Variants in COL4A6 observed in about 807,000 individuals in gnomAD.
The protein encoded by COL4A6 is collagen type IV alpha 6 chain.
In COL4A6, 59 loss-of-function variants were observed where a neutral mutation model predicts 126.7. That is an observed-to-expected ratio of 0.47 (90% CI 0.38 to 0.58). The LOEUF (loss-of-function observed/expected upper bound fraction) is 0.58. Ranked by LOEUF, COL4A6 falls within the 20% of genes least tolerant of loss-of-function variation. The pLI, the probability that COL4A6 is intolerant of heterozygous loss-of-function variation, is 0.00. For synonymous variants in COL4A6, 547 were observed against 496.6 expected, an observed-to-expected ratio of 1.10 and a Z score of -1.35; for missense variants, 1,285 against 1,337.3, an observed-to-expected ratio of 0.96 and a Z score of 0.61.
At chrX:108,283,575 TAA>T (rs753934930) in intron 3 of COL4A6, among the ~76,000 whole-genome samples, 2 of 19,358 alleles carry the variant, frequency 1.0e-4, no homozygotes, top group South Asian at 0.018. Flanking sequence ...GTGATCCCCC[TAA>T]GTTTTTTTTT....
chrX:108,177,800 C>T (rs2034547796), intron 27 of COL4A6, among the ~76,000 whole-genome samples: 1 of 111,998 alleles, frequency 8.9e-6, no homozygotes, highest in African/African-American at 3.2e-5. Context: ...CATCAAGTAG[C>T]TGCAAGCCCC....
chrX:108,344,133 T>C (rs1269468469), intron 2 of COL4A6, among the ~76,000 whole-genome samples: 1 of 111,417 alleles, frequency 9.0e-6, no homozygotes, highest in Non-Finnish European at 1.9e-5. Flanking sequence ...GGCTCAGATC[T>C]GCATTGAAAG....
chrX:108,198,869 G>T (rs763502788), intron 13 of COL4A6, among the ~76,000 whole-genome samples: 4 of 111,108 alleles, frequency 3.6e-5, no homozygotes, highest in African/African-American at 1.3e-4. Flanking sequence ...CTCAGGATTT[G>T]CCAGTTTCTT....
chrX:108,372,185 G>A (rs981241593), intron 2 of COL4A6, among the ~76,000 whole-genome samples: 1 of 111,218 alleles, frequency 9.0e-6, no homozygotes, highest in Non-Finnish European at 1.9e-5. Flanking sequence ...TCTTTTCAAT[G>A]GGGCAGCTTC....
chrX:108,289,533 AGTTTTT>A (rs202042554), intron 3 of COL4A6, among the ~76,000 whole-genome samples: 1 of 110,822 alleles, frequency 9.0e-6, no homozygotes, highest in South Asian at 3.9e-4. Context: ...GCTTGTGCCA[AGTTTTT>A]GTTTTTGTTT....
intron 2 of COL4A6, among the ~76,000 whole-genome samples, chrX:108,382,967 A>C (rs2040593073): frequency 1.0e-5 from 1 of 99,175 alleles, no homozygotes; most frequent in African/African-American, 3.8e-5. Context: ...GCCAAAAATA[A>C]TAATAATAAT....
rs1331629944 is a variant in COL4A6, at chrX:108,211,691, C to T, written c.491G>A (p.Gly164Asp). The T allele has an allele frequency of 8.3e-7, 1 of 1,211,397 alleles. No homozygotes were observed. Among genetic ancestry groups the T allele is most frequent in the East Asian group, 3.0e-5 (1 of 33,842 alleles). ...GSKGDPVLAP[G>D]SFKGMKGDPG... is the part of the protein sequence containing the mutation. Reference sequence around the variant, plus strand: ...TCTTACCTTCATTCCTTTGAAACTACCTGGAGCAAGGACAGGGTCACCTTT... The same window carrying T: ...TCTTACCTTCATTCCTTTGAAACTATCTGGAGCAAGGACAGGGTCACCTTT... The change falls in exon 7 of 45, where the codon GGT becomes GAT. Residue 164 changes from glycine (G) to aspartate (D), a missense_variant. Gly to Asp is a moderately conservative substitution (Grantham distance 94). Transcript: ENST00000334504.
At chrX:108,214,934 C>T (rs1326357635) in intron 5 of COL4A6, among the ~76,000 whole-genome samples, 1 of 111,982 alleles carries the variant, frequency 8.9e-6, no homozygotes, top group Non-Finnish European at 1.9e-5. Context: ...CAGAGTTGGG[C>T]TTCCTTGGTA....
At chrX:108,282,090 A>G (rs1244061006) in intron 3 of COL4A6, among the ~76,000 whole-genome samples, 1 of 110,997 alleles carries the variant, frequency 9.0e-6, no homozygotes, top group African/African-American at 3.3e-5. Flanking sequence ...GCATGGGCAA[A>G]GACTTCATGT....
At chrX:108,167,311 G>A (rs1301776839) in intron 37 of COL4A6, among the ~76,000 whole-genome samples, 1 of 111,578 alleles carries the variant, frequency 9.0e-6, no homozygotes, top group Non-Finnish European at 1.9e-5. Flanking sequence ...GTACTGTAAT[G>A]AGAGGGATTG....
chrX:108,331,584 C>T (rs983151951), intron 2 of COL4A6, among the ~76,000 whole-genome samples: 28 of 111,869 alleles, frequency 2.5e-4, no homozygotes, highest in Admixed American at 9.5e-5. Context: ...TTGACCAAGA[C>T]ATTGTTTGTG....
At chrX:108,348,897 G>A (rs1458264586) in intron 2 of COL4A6, among the ~76,000 whole-genome samples, 1 of 111,586 alleles carries the variant, frequency 9.0e-6, no homozygotes, top group Non-Finnish European at 1.9e-5. Flanking sequence ...ACAATACTCA[G>A]GGTTTGGTTG....
Position 108,336,796 on chromosome X carries a change from A to G in COL4A6, c.64-25968T>C, listed in dbSNP as rs925184163. Among the ~76,000 whole-genome samples the G allele has an allele frequency of 3.6e-5, 4 of 111,357 alleles. No individual in the cohort carries two copies. The East Asian group carries it at 1.1e-3, about 31-fold the overall frequency. Reference sequence around the variant, plus strand: ...GTTAAAAATTAGATTGCACTGTTGCAATGAAACACATAAGCAGAGCTTTGT... The same window carrying G: ...GTTAAAAATTAGATTGCACTGTTGCGATGAAACACATAAGCAGAGCTTTGT... On this transcript the variant is annotated intron_variant, in intron 2 of 44. Transcript: ENST00000334504.
chrX:108,174,993 G>A, intron 30 of COL4A6, 97 bp downstream of exon 30: 8 of 1,036,277 alleles, frequency 7.7e-6, no homozygotes, highest in Non-Finnish European at 1.0e-5. Flanking sequence ...GTTGGCGATG[G>A]GGGGCTGTAC....
At chrX:108,417,185 C>T (rs760584233) in intron 2 of COL4A6, among the ~76,000 whole-genome samples, 1 of 111,226 alleles carries the variant, frequency 9.0e-6, no homozygotes, top group Non-Finnish European at 1.9e-5. Flanking sequence ...GGAGAAACTG[C>T]CCATATGAAC....
At chrX:108,324,715 G>A (rs890389202) in intron 2 of COL4A6, among the ~76,000 whole-genome samples, 6 of 111,840 alleles carry the variant, frequency 5.4e-5, no homozygotes, top group Admixed American at 2.8e-4. Flanking sequence ...TATCTACAAG[G>A]CTTACATGTG....
chrX:108,406,260 C>T (rs749091824), intron 2 of COL4A6, among the ~76,000 whole-genome samples: 3 of 112,046 alleles, frequency 2.7e-5, no homozygotes, highest in Admixed American at 9.4e-5. Context: ...TGTGAGCCAG[C>T]GCACCAAGCC....
intron 3 of COL4A6, among the ~76,000 whole-genome samples, chrX:108,288,049 T>G (rs1213091937): frequency 8.9e-6 from 1 of 112,427 alleles, no homozygotes; most frequent in African/African-American, 3.2e-5. Flanking sequence ...CAGCCCCTGT[T>G]GCTCCATCTT....
intron 3 of COL4A6, among the ~76,000 whole-genome samples, chrX:108,251,178 C>T (rs1232849689): frequency 9.0e-6 from 1 of 111,441 alleles, no homozygotes; most frequent in Admixed American, 9.5e-5. Flanking sequence ...TGGCTTTAAA[C>T]CCAAAGATTT....
Sources: gnomAD v4.1 joint callset for allele counts (sites outside exome capture counted in the v4.1 genomes callset) on GRCh38, gnomAD v4.1.1 for gene constraint, MANE v1.5 for transcripts, NCBI Gene and HGNC (gene_info 2026-07-23, HGNC 2026-07-21) for gene names.